FARP1: variants seen among roughly 807,000 people sequenced by gnomAD.
FARP1 encodes the protein FERM, ARH/RhoGEF and pleckstrin domain protein 1, also known as FERM, ARHGEF and pleckstrin domain-containing protein 1.
A neutral mutation model predicts 128.8 loss-of-function variants in FARP1; 52 were observed. That is an observed-to-expected ratio of 0.40 (90% confidence interval 0.32 to 0.51). The LOEUF (loss-of-function observed/expected upper bound fraction) is 0.51, where lower values mean the gene tolerates loss of function less well. Ranked by LOEUF, FARP1 falls within the 20% of genes least tolerant of loss-of-function variation. FARP1 has a pLI of 0.45. For missense variants in FARP1, 1,333 were observed against 1,367.9 expected, an observed-to-expected ratio of 0.97 and a Z score of 0.40; for synonymous variants, 580 against 551.8, an observed-to-expected ratio of 1.05 and a Z score of -0.72.
At chr13:98,358,569 AG>A (rs1185868714) in intron 3 of FARP1, among the ~76,000 whole-genome samples, 2 of 152,232 alleles carry the variant, frequency 1.3e-5, no homozygotes, top group Non-Finnish European at 2.9e-5. Context: ...AAATTAATAA[AG>A]TCAAATAATT....
At chr13:98,445,960 G>A (rs930693568) in intron 24 of FARP1, 138 bp from the exon 25 acceptor site, 43 of 604,500 alleles carry the variant, frequency 7.1e-5, no homozygotes, top group Non-Finnish European at 8.9e-5. Context: ...CCCCACACAC[G>A]GGGGAGCGGG....
chr13:98,390,489 T>C (rs1172607409), intron 10 of FARP1: 3 of 437,240 alleles, frequency 6.9e-6, no homozygotes, highest in Non-Finnish European at 1.2e-5. Context: ...TGTCAAATAC[T>C]GTTCCAGGCA....
chr13:98,385,616 T>C (rs585678), intron 7 of FARP1, 51 bp from the exon 8 acceptor site: 304,674 of 1,592,188 alleles, frequency 0.19, 31,018 homozygotes, highest in African/African-American at 0.35. Context: ...AATTAATAGA[T>C]ACAGGGAATT....
Position 98,413,651 on chromosome 13 carries a change from C to T in FARP1, c.1826+1617C>T, listed in dbSNP as rs114896092. Among the ~76,000 whole-genome samples the T allele has an allele frequency of 6.3e-3, 963 of 152,272 alleles. 11 individuals are homozygous for T. Among genetic ancestry groups the T allele is most frequent in the African/African-American group, 0.022 (913 of 41,550 alleles). On this transcript the variant is annotated intron_variant, in intron 16 of 26. Coordinates refer to ENST00000319562, the MANE Select transcript of FARP1 (RefSeq NM_005766.4). Reference sequence around the variant, plus strand: ...CTCCAGCCTGGGTGACAGAACAAGACCCTGTCTCCAAAATTAAAATTAAAA... The same window carrying T: ...CTCCAGCCTGGGTGACAGAACAAGATCCTGTCTCCAAAATTAAAATTAAAA...
Position 98,453,373 on chromosome 13 carries a change from T to C in FARP1, c.*5056T>C. 1 of 681,688 alleles carries C rather than the reference T, an allele frequency of 1.5e-6. No homozygotes were observed. The highest frequency in any genetic ancestry group is 2.4e-6 in the Non-Finnish European group (1 of 414,570). 42.2% of individuals were successfully genotyped at this position (681,688 alleles called of 1,614,324 possible). ...AAGTCTAATTTTAAAAGAATGCATA[T>C]AAAGACTGAGAAGATCATGATTCTT... On this transcript the variant is annotated 3_prime_UTR_variant, in exon 27 of 27. Coordinates refer to ENST00000319562, the MANE Select transcript of FARP1 (RefSeq NM_005766.4).
At chr13:98,375,995 A>G (rs1247360135) in intron 5 of FARP1, among the ~76,000 whole-genome samples, 8 of 152,188 alleles carry the variant, frequency 5.3e-5, no homozygotes, top group Non-Finnish European at 1.0e-4. Flanking sequence ...GGCAGCAGGT[A>G]AACTAGATAT....
At chr13:98,337,421 A>C (rs557246603) in intron 2 of FARP1, among the ~76,000 whole-genome samples, 4 of 152,228 alleles carry the variant, frequency 2.6e-5, no homozygotes, top group South Asian at 2.1e-4. Flanking sequence ...AAAAACAACA[A>C]AACACTCATT....
intron 4 of FARP1, 35 bp from the exon 5 acceptor site, chr13:98,368,082 G>C: frequency 6.5e-7 from 1 of 1,537,520 alleles, no homozygotes; most frequent in Non-Finnish European, 9.0e-7. Flanking sequence ...ACACAAATCA[G>C]TAAATGCTTT....
chr13:98,432,365 G>C (rs1594530488), intron 18 of FARP1: 1 of 152,302 alleles, frequency 6.6e-6, no homozygotes, highest in Admixed American at 6.5e-5. Flanking sequence ...CTCAGGGGAA[G>C]GGACTTGCTG....
Position 98,429,703 on chromosome 13 carries a change from C to G in FARP1, c.1906-1340C>G, listed in dbSNP as rs7318754. On this transcript the variant is annotated intron_variant, in intron 17 of 26. Transcript: ENST00000319562. Reference sequence around the variant, plus strand: ...AGGAAGTGGGCATGTGTCTGGACAGCTGTGTTTCCAGCTTTTTCCGGGGCG... The same window carrying G: ...AGGAAGTGGGCATGTGTCTGGACAGGTGTGTTTCCAGCTTTTTCCGGGGCG... 3.5e-3 allele frequency among the ~76,000 whole-genome samples: 536 copies of G among 152,182 alleles called. 2 individuals are homozygous for G. The highest frequency in any genetic ancestry group is 0.012 in the African/African-American group (511 of 41,518).
In FARP1 at chr13:98,440,004, C is replaced by G; in HGVS notation, c.2477C>G (p.Thr826Ser). Reference protein sequence around the residue: ...EDEWGVPHCLTLRGQRQSIIV... With the variant: ...EDEWGVPHCLSLRGQRQSIIV... ...GAGTGGGGGGTGCCCCACTGCCTGA[C>G]CCTCCGGGGCCAGCGGCAGTCCATC... The change falls in exon 22 of 27, where the codon ACC becomes AGC. Residue 826 changes from threonine (T) to serine (S), a missense_variant. Thr to Ser is a moderately conservative substitution (Grantham distance 58). Coordinates refer to ENST00000319562, the MANE Select transcript of FARP1 (RefSeq NM_005766.4). 1 of 1,600,320 alleles carries G rather than the reference C, an allele frequency of 6.2e-7. No homozygotes were observed. Among genetic ancestry groups the G allele is most frequent in the Non-Finnish European group, 8.5e-7 (1 of 1,170,418 alleles).
At chr13:98,178,136 C>T (rs1878230902) in intron 1 of FARP1, among the ~76,000 whole-genome samples, 1 of 151,882 alleles carries the variant, frequency 6.6e-6, no homozygotes, top group Non-Finnish European at 1.5e-5. Context: ...TTGGCTGTCC[C>T]CTGCCTGGCC....
At chr13:98,220,032 G>A (rs1315433050) in intron 2 of FARP1, among the ~76,000 whole-genome samples, 2 of 124,228 alleles carry the variant, frequency 1.6e-5, no homozygotes, top group East Asian at 5.3e-4. Flanking sequence ...GTAAGCTGAA[G>A]AAAGTATTTT....
intron 26 of FARP1, chr13:98,447,051 C>T: frequency 2.0e-6 from 1 of 501,352 alleles, no homozygotes; most frequent in Non-Finnish European, 3.6e-6. Context: ...AGGCCCTAGA[C>T]ATCTTGCTTG....
At chr13:98,407,327 A>G (rs1019638759) in intron 13 of FARP1, 6 of 118,732 alleles carry the variant, frequency 5.1e-5, no homozygotes, top group African/African-American at 1.9e-4. Context: ...TGTAGTGATA[A>G]CATTTTTCTT....
rs560887470 is a variant in FARP1 at position 98,262,173 on chromosome 13, G to A, written c.171+48760G>A. 5.4e-5 allele frequency among the ~76,000 whole-genome samples: 8 copies of A among 149,074 alleles called. No individual in the cohort carries two copies. The East Asian group carries it at 1.2e-3, about 22-fold the overall frequency. On this transcript the variant is annotated intron_variant, in intron 2 of 26. Transcript: ENST00000319562. Reference sequence around the variant, plus strand: ...TGGGACTGCAGGTGTGTGCTACCGCGCCCTGCTAATTTTTTTTTTTTTTTT... The same window carrying A: ...TGGGACTGCAGGTGTGTGCTACCGCACCCTGCTAATTTTTTTTTTTTTTTT...
chr13:98,440,766 A>G lies in FARP1; in HGVS notation c.2726A>G (p.Asn909Ser), dbSNP rs1308250607. 8 of 1,613,380 alleles carry G rather than the reference A, an allele frequency of 5.0e-6. No homozygotes were observed. The highest frequency in any genetic ancestry group is 6.8e-6 in the Non-Finnish European group (8 of 1,179,950). ...SLERQAPHRG[N>S]TMVHVCWHRN... ...GAGCGCCAGGCCCCGCACCGCGGCA[A>G]CACAATGGTGCACGTGTGCTGGCAC... Residue 909 changes from asparagine to serine, a missense_variant, in exon 24 of 27, where the codon AAC (asparagine) becomes AGC (serine). Physicochemically the swap from Asn to Ser is conservative, Grantham distance 46 (BLOSUM62 1). Coordinates refer to ENST00000319562, the MANE Select transcript of FARP1 (RefSeq NM_005766.4).
chr13:98,144,636 T>G (rs1875379640), intron 1 of FARP1, among the ~76,000 whole-genome samples: 1 of 152,216 alleles, frequency 6.6e-6, no homozygotes, highest in African/African-American at 2.4e-5. Context: ...GGCTTCTGTT[T>G]AATGTGCTTT....
chr13:98,174,196 C>T (rs1221788015), intron 1 of FARP1, among the ~76,000 whole-genome samples: 2 of 152,178 alleles, frequency 1.3e-5, no homozygotes, highest in Admixed American at 1.3e-4. Context: ...CGCCTTTCTG[C>T]TTAATTTTGC....
Sources: allele counts gnomAD v4.1 joint callset (sites outside exome capture counted in the v4.1 genomes callset), GRCh38; gene constraint gnomAD v4.1.1; transcripts MANE v1.5; gene names NCBI Gene and HGNC (gene_info 2026-07-23, HGNC 2026-07-21).